Variants in PRKG1 observed in about 807,000 individuals in gnomAD.
The protein encoded by PRKG1 is cGMP-dependent protein kinase 1.
Under a neutral mutation model 88.1 loss-of-function variants are expected in PRKG1, and 35 were observed. The ratio of observed to expected loss-of-function variants is 0.40; its 90% CI spans 0.30 to 0.53. The LOEUF is 0.53. PRKG1 is among the 20% of genes least tolerant of loss of function. The probability of loss-of-function intolerance (pLI) is 0.59; values close to 1 mark genes in which losing one functional copy is unlikely to be tolerated. For synonymous variants in PRKG1, 303 were observed against 292.5 expected (o/e 1.04, Z -0.37); for missense variants, 540 against 839.8 (o/e 0.64, Z 4.41).
intron 9 of PRKG1, among the ~76,000 whole-genome samples, chr10:52,249,394 T>C (rs1292225456): frequency 6.6e-6 from 1 of 151,896 alleles, no homozygotes; most frequent in Non-Finnish European, 1.5e-5. Context: ...ACCTGGGAGC[T>C]TTTTAAAAGT....
At chr10:52,089,212 G>A (rs904261510) in intron 7 of PRKG1, among the ~76,000 whole-genome samples, 5 of 152,202 alleles carry the variant, frequency 3.3e-5, no homozygotes, top group Admixed American at 3.3e-4. Flanking sequence ...TTTTAAAAAA[G>A]GTTTCACTTC....
intron 2 of PRKG1, among the ~76,000 whole-genome samples, chr10:51,389,815 T>C (rs148361147): frequency 6.4e-4 from 98 of 152,252 alleles, no homozygotes; most frequent in Non-Finnish European, 1.2e-3. Context: ...GAAATGTCAC[T>C]TTCAGTGACT....
In PRKG1 at chr10:51,318,663, C is replaced by T. The variant is rs1490479659; in HGVS notation, c.479-149060C>T. ...AGGACAAGAAATCAAGACACCAGAT[C>T]AGGGGGATTTAAAGATTACTTTCAT... is the stretch of plus-strand genomic sequence containing the variant. On this transcript the variant is annotated intron_variant, in intron 2 of 17. Transcript: ENST00000373980. Among the ~76,000 whole-genome samples the T allele has an allele frequency of 3.3e-5, 5 of 152,008 alleles. No individual in the cohort carries two copies. In the East Asian group the frequency reaches 9.6e-4, roughly 29 times the overall value.
At chr10:51,177,429 G>A (rs1356376538) in intron 2 of PRKG1, among the ~76,000 whole-genome samples, 21 of 152,062 alleles carry the variant, frequency 1.4e-4, no homozygotes, top group Non-Finnish European at 5.9e-5. Flanking sequence ...AACAAACTTT[G>A]CTTATTTCTG....
At chr10:51,845,314 AC>A (rs1390845080) in intron 4 of PRKG1, among the ~76,000 whole-genome samples, 1 of 151,920 alleles carries the variant, frequency 6.6e-6, no homozygotes, top group East Asian at 1.9e-4. Flanking sequence ...CTTAAGCACC[AC>A]CTCTTGTGTA....
intron 2 of PRKG1, among the ~76,000 whole-genome samples, chr10:51,312,460 AC>A (rs2132491961): frequency 6.6e-6 from 1 of 152,164 alleles, no homozygotes; most frequent in Non-Finnish European, 1.5e-5. Context: ...TGTCAGGGTG[AC>A]CCATAAGTCC....
chr10:51,771,439 G>A (rs536128510), intron 3 of PRKG1, among the ~76,000 whole-genome samples: 1 of 152,276 alleles, frequency 6.6e-6, no homozygotes, highest in South Asian at 2.1e-4. Flanking sequence ...AAAGTACTGG[G>A]ATGGACAGAG....
chr10:51,770,442 TAG>T (rs1838275283), intron 3 of PRKG1, among the ~76,000 whole-genome samples: 2 of 152,204 alleles, frequency 1.3e-5, no homozygotes, highest in Admixed American at 1.3e-4. Context: ...AGCTTAGCAC[TAG>T]GTTCTCAACA....
intron 3 of PRKG1, among the ~76,000 whole-genome samples, chr10:51,694,740 G>C (rs1332713641): frequency 6.6e-6 from 1 of 152,172 alleles, no homozygotes; most frequent in African/African-American, 2.4e-5. Flanking sequence ...GAAAATTCAG[G>C]ATGTGAGGGG....
chr10:51,145,386 G>A (rs1342387193), intron 1 of PRKG1, among the ~76,000 whole-genome samples: 2 of 152,002 alleles, frequency 1.3e-5, no homozygotes, highest in African/African-American at 2.4e-5. Flanking sequence ...TGCTGTTTGG[G>A]CATCTAAACT....
intron 3 of PRKG1, among the ~76,000 whole-genome samples, chr10:51,672,036 A>C (rs1406262417): frequency 5.3e-5 from 6 of 113,428 alleles, no homozygotes; most frequent in African/African-American, 2.0e-4. Context: ...CCTTTTTGTA[A>C]ACTATCTATT....
intron 2 of PRKG1, among the ~76,000 whole-genome samples, chr10:51,335,167 C>T (rs1409208846): frequency 1.3e-5 from 2 of 151,854 alleles, no homozygotes; most frequent in Non-Finnish European, 2.9e-5. Context: ...CGCCCACCAC[C>T]ACGCCTGGCT....
intron 3 of PRKG1, among the ~76,000 whole-genome samples, chr10:51,476,372 GA>G (rs897847306): frequency 6.6e-6 from 1 of 152,000 alleles, no homozygotes; most frequent in African/African-American, 2.4e-5. Context: ...AAAGATTCAA[GA>G]AGCAATCTGG....
At chr10:52,145,392 T>G (rs918417078) in intron 8 of PRKG1, among the ~76,000 whole-genome samples, 1 of 152,198 alleles carries the variant, frequency 6.6e-6, no homozygotes, top group Non-Finnish European at 1.5e-5. Flanking sequence ...TAAGAAAATA[T>G]AAAAGATTTC....
At chr10:51,416,175 A>T (rs1838231462) in intron 2 of PRKG1, among the ~76,000 whole-genome samples, 1 of 152,222 alleles carries the variant, frequency 6.6e-6, no homozygotes, top group Non-Finnish European at 1.5e-5. Flanking sequence ...GTGGCAGAAG[A>T]TGAAATGATT....
rs1375539547 is a variant in PRKG1, at chr10:51,177,151, G to T, written c.478+23821G>T. On this transcript the variant is annotated intron_variant, in intron 2 of 17. Coordinates refer to ENST00000373980, the MANE Select transcript of PRKG1 (RefSeq NM_006258.4). The stretch of plus-strand genomic sequence containing the variant: ...TTGGAGCACTTTGTCCATGATTAAT[G>T]TGTTGAACTATTTCCTAACTGGATT... Among the ~76,000 whole-genome samples, 2 of 152,126 alleles carry T rather than the reference G, an allele frequency of 1.3e-5. 1 individual carries two copies. Among genetic ancestry groups the T allele is most frequent in the East Asian group, 3.9e-4 (2 of 5,190 alleles).
At chr10:52,150,956 T>TA (rs1837896192) in intron 8 of PRKG1, among the ~76,000 whole-genome samples, 1 of 152,218 alleles carries the variant, frequency 6.6e-6, no homozygotes. Flanking sequence ...ATATATCAGC[T>TA]ATAGATTTTT....
chr10:51,426,424 G>A (rs1015703549), intron 2 of PRKG1, among the ~76,000 whole-genome samples: 1 of 152,148 alleles, frequency 6.6e-6, no homozygotes, highest in African/African-American at 2.4e-5. Flanking sequence ...CTTTCTATAA[G>A]CAGTAGGACA....
At chr10:51,605,893 G>T (rs1297899521) in intron 3 of PRKG1, among the ~76,000 whole-genome samples, 1 of 152,086 alleles carries the variant, frequency 6.6e-6, no homozygotes, top group Non-Finnish European at 1.5e-5. Context: ...GGACAAATAA[G>T]TTACTTCATA....
Sources: allele counts gnomAD v4.1 joint callset (sites outside exome capture counted in the v4.1 genomes callset), GRCh38; gene constraint gnomAD v4.1.1; transcripts MANE v1.5; gene names NCBI Gene and HGNC (gene_info 2026-07-23, HGNC 2026-07-21).